Variants in LIN52 observed in about 807,000 individuals in gnomAD.
LIN52 encodes protein lin-52 homolog.
Under a neutral mutation model 18.5 loss-of-function variants are expected in LIN52, and 4 were observed. The observed-to-expected ratio is 0.22, with a 90% CI of 0.11 to 0.49. The LOEUF is 0.49. Among genes scored for constraint, LIN52 ranks in the 20% least tolerant of loss-of-function variants. The pLI is 0.97. For missense variants in LIN52, 102 were observed against 139.5 expected (o/e 0.73, Z 1.35); for synonymous variants, 34 against 45.5 (o/e 0.75, Z 1.02).
chr14:74,085,247 G>C (rs2060717655), intron 1 of LIN52: 1 of 374,778 alleles, frequency 2.7e-6, no homozygotes, highest in African/African-American at 2.1e-5. Context: ...CTGGGTAAAA[G>C]GACAGGGGGG....
At chr14:74,103,735 T>TG (rs2060877286) in intron 5 of LIN52, among the ~76,000 whole-genome samples, 1 of 17,502 alleles carries the variant, frequency 5.7e-5, no homozygotes, top group Admixed American at 5.9e-4. Flanking sequence ...CCTGGCCAGT[T>TG]TTTTTTTTTT....
intron 5 of LIN52, among the ~76,000 whole-genome samples, chr14:74,112,224 A>G (rs1692528392): frequency 6.6e-6 from 1 of 151,406 alleles, no homozygotes; most frequent in South Asian, 2.1e-4. Context: ...CTTTGTTGAT[A>G]CCTTGTTGAT....
chr14:74,179,675 AAAAG>A (rs1285845878), intron 5 of LIN52, among the ~76,000 whole-genome samples: 15 of 26,866 alleles, frequency 5.6e-4, no homozygotes, highest in East Asian at 8.6e-4. Flanking sequence ...AAAAAGAAAA[AAAAG>A]AAAAAAAAAT....
intron 5 of LIN52, among the ~76,000 whole-genome samples, chr14:74,105,742 C>T (rs1223534366): frequency 6.6e-6 from 1 of 151,888 alleles, no homozygotes; most frequent in African/African-American, 2.4e-5. Context: ...CCCCAAGGAC[C>T]AGTGATCCTG....
intron 5 of LIN52, among the ~76,000 whole-genome samples, chr14:74,108,968 C>G (rs1012596293): frequency 2.0e-5 from 3 of 152,098 alleles, no homozygotes; most frequent in African/African-American, 7.2e-5. Context: ...ACCTGATAAA[C>G]CATTGCCTAA....
intron 5 of LIN52, among the ~76,000 whole-genome samples, chr14:74,188,838 C>G (rs568682976): frequency 6.6e-6 from 1 of 152,260 alleles, no homozygotes; most frequent in South Asian, 2.1e-4. Flanking sequence ...ATTATTCAAT[C>G]CAGTGGTTCT....
intron 5 of LIN52, among the ~76,000 whole-genome samples, chr14:74,131,165 C>A (rs191079815): frequency 6.0e-4 from 80 of 133,004 alleles, no homozygotes; most frequent in Non-Finnish European, 1.1e-3. Context: ...ATAACCAGCC[C>A]AAATCCCATC....
At chr14:74,119,450 C>T (rs965786197) in intron 5 of LIN52, among the ~76,000 whole-genome samples, 1 of 152,036 alleles carries the variant, frequency 6.6e-6, no homozygotes, top group East Asian at 1.9e-4. Context: ...AGGCATGAGC[C>T]GCCGCACCTG....
intron 5 of LIN52, among the ~76,000 whole-genome samples, chr14:74,176,752 A>G (rs894345988): frequency 3.3e-5 from 5 of 152,184 alleles, no homozygotes; most frequent in African/African-American, 1.2e-4. Context: ...GACTATATTT[A>G]CAGAATACTT....
At chr14:74,141,578 G>C (rs1267580003) in intron 5 of LIN52, among the ~76,000 whole-genome samples, 1 of 152,164 alleles carries the variant, frequency 6.6e-6, no homozygotes, top group Admixed American at 6.6e-5. Context: ...CCTTACTTCA[G>C]GAATGTTACA....
At chr14:74,198,890 T>C (rs772220937) in intron 5 of LIN52, 32 bp from the exon 6 acceptor site, 2 of 1,539,786 alleles carry the variant, frequency 1.3e-6, no homozygotes, top group Non-Finnish European at 1.8e-6. Flanking sequence ...TTTTAGGTTT[T>C]CATTGATCAT....
At chr14:74,088,049 A>G (rs2060747498) in intron 1 of LIN52, among the ~76,000 whole-genome samples, 1 of 152,124 alleles carries the variant, frequency 6.6e-6, no homozygotes, top group Non-Finnish European at 1.5e-5. Context: ...AGTAGCTGGT[A>G]CTATAGGCTC....
intron 5 of LIN52, among the ~76,000 whole-genome samples, chr14:74,175,398 G>A (rs2061288435): frequency 2.0e-5 from 3 of 151,898 alleles, no homozygotes; most frequent in Admixed American, 6.6e-5. Context: ...AGTGAGCTGA[G>A]GAGTTCAGGG....
chr14:74,149,687 A>G, intron 5 of LIN52, among the ~76,000 whole-genome samples: 1 of 152,336 alleles, frequency 6.6e-6, no homozygotes, highest in Admixed American at 6.5e-5. Context: ...AATTCTAACT[A>G]AAATAATTTA....
At chr14:74,114,100 C>G in intron 5 of LIN52, 1 of 979,806 alleles carries the variant, frequency 1.0e-6, no homozygotes, top group South Asian at 4.7e-5. Context: ...CCCACCTCAG[C>G]TTCCCAAGTA....
chr14:74,171,478 T>C (rs896510032), intron 5 of LIN52, among the ~76,000 whole-genome samples: 1 of 151,918 alleles, frequency 6.6e-6, no homozygotes, highest in Non-Finnish European at 1.5e-5. Context: ...ATAAAGTACA[T>C]TAAGTTTTAA....
In LIN52 at chr14:74,095,149, GT is replaced by G. The variant is rs35455851; in HGVS notation, c.95-779del. On this transcript the variant is annotated intron_variant, in intron 2 of 5. Coordinates refer to ENST00000555028, the MANE Select transcript of LIN52 (RefSeq NM_001024674.3). ...TGTGCATTACCATGCCCAACTAACT[GT>G]TTTTTTTTTTTTTTTTTTTGAGACA... 7.7e-3 allele frequency among the ~76,000 whole-genome samples: 802 copies of G among 103,714 alleles called. 6 individuals carry two copies. Among genetic ancestry groups the G allele is most frequent in the African/African-American group, 0.028 (729 of 26,094 alleles). 68.0% of individuals were successfully genotyped at this position (103,714 alleles called of 152,430 possible). A position where few individuals can be genotyped will look rare whatever the true frequency, so the allele number is the denominator to read the frequency against.
Position 74,166,595 on chromosome 14 carries a change from T to C in LIN52, c.284-32327T>C, listed in dbSNP as rs551962692. Among the ~76,000 whole-genome samples the C allele has an allele frequency of 6.6e-5, 10 of 152,344 alleles. No homozygotes were observed. The East Asian group carries it at 1.5e-3, about 24-fold the overall frequency. ...CTGTGTGCCCAAAAAATCCAAAATA[T>C]ATAATTCATTTTCTGGGTGGGAAGC... On this transcript the variant is annotated intron_variant, in intron 5 of 5. Transcript: ENST00000555028.
intron 5 of LIN52, among the ~76,000 whole-genome samples, chr14:74,188,790 C>T (rs1336177088): frequency 1.3e-5 from 2 of 152,158 alleles, no homozygotes; most frequent in Admixed American, 6.5e-5. Context: ...CAGTGATGGA[C>T]GTCTCAAGGT....
Sources: allele counts gnomAD v4.1 joint callset (sites outside exome capture counted in the v4.1 genomes callset), GRCh38; gene constraint gnomAD v4.1.1; transcripts MANE v1.5; gene names NCBI Gene and HGNC (gene_info 2026-07-23, HGNC 2026-07-21).